FAM120B: variants seen among roughly 807,000 people sequenced by gnomAD.
FAM120B encodes the protein family with sequence similarity 120 member B, also known as constitutive coactivator of peroxisome proliferator-activated receptor gamma.
Under a neutral mutation model 96.3 loss-of-function variants are expected in FAM120B, and 83 were observed. The observed-to-expected ratio is 0.86, with a 90% CI of 0.72 to 1.03. The LOEUF is 1.03. FAM120B is among the 50% of genes least tolerant of loss of function. The pLI, the probability that FAM120B is intolerant of heterozygous loss-of-function variation, is 0.00. For missense variants in FAM120B, 1,027 were observed against 1,121.2 expected (o/e 0.92, Z 1.20); for synonymous variants, 407 against 402.7 (o/e 1.01, Z -0.13).
chr6:170,374,972 TG>T (rs575269060), intron 6 of FAM120B, among the ~76,000 whole-genome samples: 33 of 152,348 alleles, frequency 2.2e-4, no homozygotes, highest in Middle Eastern at 3.4e-3. Context: ...TGTCAGCTGT[TG>T]GTGACTGAGC....
intron 6 of FAM120B, among the ~76,000 whole-genome samples, chr6:170,372,511 A>G (rs979575646): frequency 9.9e-5 from 15 of 152,188 alleles, no homozygotes; most frequent in Non-Finnish European, 1.5e-5. Flanking sequence ...TTCTTAGAAG[A>G]TAGTCTAATT....
At chr6:170,344,288 G>A (rs1299914910) in intron 4 of FAM120B, among the ~76,000 whole-genome samples, 13 of 120,188 alleles carry the variant, frequency 1.1e-4, no homozygotes, top group Admixed American at 7.5e-4. Flanking sequence ...CACCTGCACC[G>A]TTGCCTGCGG....
At chr6:170,303,212 G>C (rs545489444), upstream of FAM120B, among the ~76,000 whole-genome samples, 4 of 152,126 alleles carry the variant, frequency 2.6e-5, no homozygotes, top group African/African-American at 9.6e-5. Flanking sequence ...TATTTCTTTT[G>C]TATATGAGAG....
At chr6:170,313,412 A>G (rs561931812) in intron 1 of FAM120B, among the ~76,000 whole-genome samples, 1 of 152,336 alleles carries the variant, frequency 6.6e-6, no homozygotes, top group East Asian at 1.9e-4. Flanking sequence ...AGAAGTTACC[A>G]TTGAAAGAAA....
chr6:170,320,361 A>C (rs886892642), intron 2 of FAM120B, among the ~76,000 whole-genome samples: 1 of 152,202 alleles, frequency 6.6e-6, no homozygotes, highest in Non-Finnish European at 1.5e-5. Flanking sequence ...CGATATGATC[A>C]GATTTTTGGT....
intron 6 of FAM120B, among the ~76,000 whole-genome samples, chr6:170,375,381 G>A (rs1789447664): frequency 1.3e-5 from 2 of 152,240 alleles, no homozygotes; most frequent in Admixed American, 1.3e-4. Flanking sequence ...TTAACAACAA[G>A]CGTCTCAGGT....
At chr6:170,385,915 C>T (rs1790160734) in intron 6 of FAM120B, among the ~76,000 whole-genome samples, 2 of 152,120 alleles carry the variant, frequency 1.3e-5, no homozygotes, top group Admixed American at 6.5e-5. Flanking sequence ...TATAGGAAGA[C>T]TGGAAAAGGG....
Position 170,317,672 on chromosome 6 carries a change from G to A in FAM120B, c.282G>A (p.Glu94=), listed in dbSNP as rs1331459538. 6 of 1,614,206 alleles carry A rather than the reference G, an allele frequency of 3.7e-6. No individual in the cohort carries two copies. The highest frequency in any genetic ancestry group is 5.1e-6 in the Non-Finnish European group (6 of 1,180,036). ...KLIFFFDGMV[E]QDKRDEWVKR... is the part of the protein sequence containing the mutation. ...TATTCTTCTTTGATGGCATGGTGGAGCAGGATAAGAGAGATGAATGGGTGA... is the reference window on the plus strand; with the variant it reads ...TATTCTTCTTTGATGGCATGGTGGAACAGGATAAGAGAGATGAATGGGTGA... The change falls in exon 2 of 11, where the codon GAG becomes GAA. Residue 94 remains glutamate, a synonymous_variant. Transcript: ENST00000476287.
intron 6 of FAM120B, among the ~76,000 whole-genome samples, chr6:170,361,253 T>TAC (rs1554286491): frequency 2.5e-4 from 35 of 137,408 alleles, no homozygotes; most frequent in African/African-American, 8.8e-4. Flanking sequence ...TATATATATA[T>TAC]ACGTGTATAT....
chr6:170,293,509 G>A (rs1052921366), upstream of FAM120B, among the ~76,000 whole-genome samples: 8 of 152,148 alleles, frequency 5.3e-5, no homozygotes, highest in African/African-American at 1.9e-4. Context: ...CGATTACGGC[G>A]GCAAAGCGGA....
intron 4 of FAM120B, among the ~76,000 whole-genome samples, chr6:170,347,863 G>A (rs1787296818): frequency 6.6e-6 from 1 of 152,132 alleles, no homozygotes. Flanking sequence ...CCTTGAGACA[G>A]CGCATTTGAA....
chr6:170,316,058 C>CAAAAAAAAAA (rs35344814), intron 1 of FAM120B, among the ~76,000 whole-genome samples: 1 of 91,852 alleles, frequency 1.1e-5, no homozygotes. Flanking sequence ...GACCCGGTCT[C>CAAAAAAAAAA]AAAAAAAAAA....
At chr6:170,317,304 C>T in intron 1 of FAM120B, 66 bp from the exon 2 acceptor site, 2 of 1,272,142 alleles carry the variant, frequency 1.6e-6, no homozygotes, top group Admixed American at 2.0e-5. Flanking sequence ...ACTGTGTTTG[C>T]TTTGAAAGGT....
At chr6:170,359,447 A>G (rs189161981) in intron 6 of FAM120B, among the ~76,000 whole-genome samples, 19 of 150,602 alleles carry the variant, frequency 1.3e-4, no homozygotes, top group African/African-American at 4.6e-4. Context: ...GTTAAGACTC[A>G]CTCTGTTGCC....
At chr6:170,343,064 C>G (rs920740230) in intron 4 of FAM120B, among the ~76,000 whole-genome samples, 1 of 152,252 alleles carries the variant, frequency 6.6e-6, no homozygotes, top group East Asian at 1.9e-4. Flanking sequence ...GCATCGCAAC[C>G]CTCCTGAGTT....
chr6:170,355,187 A>C (rs1425818708), intron 5 of FAM120B, among the ~76,000 whole-genome samples: 1 of 152,194 alleles, frequency 6.6e-6, no homozygotes, highest in Non-Finnish European at 1.5e-5. Context: ...TAGAGGAGAA[A>C]TACTATTTGA....
At chr6:170,294,254 C>T (rs1009033290), upstream of FAM120B, among the ~76,000 whole-genome samples, 1 of 152,202 alleles carries the variant, frequency 6.6e-6, no homozygotes, top group African/African-American at 2.4e-5. The surrounding 1 kb of genome is among the most constrained non-coding windows in gnomAD (Gnocchi z 7.9). Context: ...AGGAAACTTT[C>T]TTTTAAATAC....
intron 4 of FAM120B, among the ~76,000 whole-genome samples, chr6:170,347,441 G>A (rs561222618): frequency 1.3e-5 from 2 of 152,322 alleles, no homozygotes; most frequent in South Asian, 2.1e-4. Flanking sequence ...CGTGGTTTCA[G>A]TCAATGAGTA....
chr6:170,378,981 G>T (rs979753539), intron 6 of FAM120B, among the ~76,000 whole-genome samples: 1 of 152,242 alleles, frequency 6.6e-6, no homozygotes, highest in Admixed American at 6.5e-5. Flanking sequence ...AGCAAGGGAC[G>T]GGGCCGGAGC....
Sources: allele counts gnomAD v4.1 joint callset (sites outside exome capture counted in the v4.1 genomes callset), GRCh38; gene constraint gnomAD v4.1.1; non-coding constraint Gnocchi (gnomAD v3.1); transcripts MANE v1.5; gene names NCBI Gene and HGNC (gene_info 2026-07-23, HGNC 2026-07-21).